The following TSHZ3 variants were observed in gnomAD, a reference collection of about 807,000 sequenced individuals.
TSHZ3 encodes the protein teashirt zinc finger homeobox 3, also known as teashirt homolog 3.
A neutral mutation model predicts 64.5 loss-of-function variants in TSHZ3; 10 were observed. The observed-to-expected ratio is 0.16, with a 90% CI of 0.10 to 0.26. The LOEUF (loss-of-function observed/expected upper bound fraction) is 0.26, where lower values mean the gene tolerates loss of function less well. Among genes scored for constraint, TSHZ3 ranks in the 10% least tolerant of loss-of-function variants. The pLI, the probability that TSHZ3 is intolerant of heterozygous loss-of-function variation, is 1.00. For missense variants in TSHZ3, 1,242 were observed against 1,421.7 expected (o/e 0.87, Z 2.03); for synonymous variants, 608 against 593.1 (o/e 1.03, Z -0.36).
Position 31,210,586 on chromosome 19 carries a change from CAG to C in TSHZ3, n.687-5510_687-5509del, listed in dbSNP as rs928307098. Among the ~76,000 whole-genome samples, 9 of 152,202 alleles carry C rather than the reference CAG, an allele frequency of 5.9e-5. No homozygotes were observed. In the East Asian group the frequency reaches 1.2e-3, roughly 20 times the overall value. On this transcript the variant is annotated intron_variant and non_coding_transcript_variant, in intron 4 of 6. Transcript: ENST00000651361. ...TAGGGGTTAACACTTCAAGAAGAAA[CAG>C]GGGAGATTTTGCTGGTGTACACTAT...
intron 1 of TSHZ3, among the ~76,000 whole-genome samples, chr19:31,266,710 G>T (rs7247234): frequency 0.34 from 52,065 of 152,088 alleles, 13,343 homozygotes; most frequent in African/African-American, 0.71. Context: ...TGAGACACAC[G>T]GGAATAGAAT....
chr19:31,225,096 T>A (rs186583927), intron 4 of TSHZ3, among the ~76,000 whole-genome samples: 42 of 152,280 alleles, frequency 2.8e-4, no homozygotes, highest in Non-Finnish European at 5.4e-4. Flanking sequence ...TTCAGCAACC[T>A]CCTAAATCAG....
intron 5 of TSHZ3, among the ~76,000 whole-genome samples, chr19:31,189,732 ATG>A (rs534186668): frequency 1.8e-4 from 27 of 152,246 alleles, no homozygotes; most frequent in South Asian, 4.1e-4. Flanking sequence ...CATTCTGTAA[ATG>A]TCAACTAGGC....
At chr19:31,325,884 A>G (rs1401798313) in intron 1 of TSHZ3, among the ~76,000 whole-genome samples, 1 of 152,246 alleles carries the variant, frequency 6.6e-6, no homozygotes, top group Non-Finnish European at 1.5e-5. Context: ...ATAGCAGCTG[A>G]AACCTAACAT....
chr19:31,166,939 G>A (rs1301551631), intron 5 of TSHZ3, among the ~76,000 whole-genome samples: 1 of 152,200 alleles, frequency 6.6e-6, no homozygotes, highest in Non-Finnish European at 1.5e-5. Context: ...TGGGGCCAGA[G>A]ATGAGTCTGT....
chr19:31,181,388 T>C (rs1974711545), intron 5 of TSHZ3, among the ~76,000 whole-genome samples: 1 of 152,150 alleles, frequency 6.6e-6, no homozygotes, highest in African/African-American at 2.4e-5. Context: ...GGGGTCATGT[T>C]ATCTGTTTTG....
intron 4 of TSHZ3, among the ~76,000 whole-genome samples, chr19:31,215,680 G>A (rs769451235): frequency 4.6e-5 from 7 of 152,180 alleles, no homozygotes; most frequent in Non-Finnish European, 1.0e-4. Flanking sequence ...AGACCAGCCT[G>A]ACCAACATGG....
chr19:31,293,020 T>A (rs941462451), intron 1 of TSHZ3, among the ~76,000 whole-genome samples: 3 of 145,948 alleles, frequency 2.1e-5, no homozygotes, highest in African/African-American at 7.4e-5. Context: ...AATGTATCCA[T>A]CCATCCAAAA....
At chr19:31,185,141 G>A (rs911465922) in intron 5 of TSHZ3, among the ~76,000 whole-genome samples, 2 of 150,814 alleles carry the variant, frequency 1.3e-5, no homozygotes, top group African/African-American at 4.9e-5. Flanking sequence ...AATGCAGAGC[G>A]AGGAAAGCTC....
chr19:31,286,808 G>T (rs920261258), intron 1 of TSHZ3, among the ~76,000 whole-genome samples: 2 of 152,176 alleles, frequency 1.3e-5, no homozygotes, highest in African/African-American at 4.8e-5. Context: ...CCCACCCTCA[G>T]CTCACCAGTG....
At chr19:31,308,744 A>AGACCCCTGCTGAAATCCTG in intron 1 of TSHZ3, 1 of 398,664 alleles carries the variant, frequency 2.5e-6, no homozygotes, top group Non-Finnish European at 4.4e-6. Flanking sequence ...ACACCGTCTA[A>AGACCCCTGCTGAAATCCTG]GACCCCTGCT....
At chr19:31,255,596 A>ACTACAGCTG (rs1460873508) in intron 1 of TSHZ3, among the ~76,000 whole-genome samples, 4 of 152,232 alleles carry the variant, frequency 2.6e-5, no homozygotes, top group Middle Eastern at 3.4e-3. Flanking sequence ...GACACCTGTC[A>ACTACAGCTG]CTACAGCTGC....
At chr19:31,306,574 CGT>C (rs1255859495) in intron 1 of TSHZ3, among the ~76,000 whole-genome samples, 1 of 152,054 alleles carries the variant, frequency 6.6e-6, no homozygotes, top group Non-Finnish European at 1.5e-5. Flanking sequence ...CGTATGTATG[CGT>C]GTGTGTGTAT....
At chr19:31,286,637 T>G (rs1220545006) in intron 1 of TSHZ3, among the ~76,000 whole-genome samples, 1 of 152,234 alleles carries the variant, frequency 6.6e-6, no homozygotes, top group Non-Finnish European at 1.5e-5. Context: ...GGCATTTGCC[T>G]GAACTCCTAA....
chr19:31,221,728 A>G (rs1975396849), intron 4 of TSHZ3, among the ~76,000 whole-genome samples: 1 of 152,148 alleles, frequency 6.6e-6, no homozygotes, highest in South Asian at 2.1e-4. Context: ...TTCAGTGTCC[A>G]TGAGTTTATT....
chr19:31,318,810 G>T (rs181393424), intron 1 of TSHZ3, among the ~76,000 whole-genome samples: 31 of 152,292 alleles, frequency 2.0e-4, no homozygotes, highest in African/African-American at 7.2e-4. Context: ...TTCAATAAAA[G>T]TATCTTAACT....
intron 4 of TSHZ3, among the ~76,000 whole-genome samples, chr19:31,210,147 G>A (rs1247997353): frequency 6.6e-6 from 1 of 152,118 alleles, no homozygotes; most frequent in African/African-American, 2.4e-5. Context: ...TCCAAGCCAG[G>A]CAAATGAGTG....
chr19:31,200,551 A>C (rs1229706767), intron 5 of TSHZ3, among the ~76,000 whole-genome samples: 1 of 152,238 alleles, frequency 6.6e-6, no homozygotes, highest in East Asian at 1.9e-4. Context: ...TAAAAAGATC[A>C]GTAGTGTCCA....
chr19:31,223,473 G>C (rs1476145608), intron 4 of TSHZ3, among the ~76,000 whole-genome samples: 1 of 151,148 alleles, frequency 6.6e-6, no homozygotes, highest in African/African-American at 2.4e-5. Context: ...AAAAAAGTAG[G>C]TATATATTTA....
Sources: allele counts gnomAD v4.1 joint callset (sites outside exome capture counted in the v4.1 genomes callset), GRCh38; gene constraint gnomAD v4.1.1; transcripts MANE v1.5; gene names NCBI Gene and HGNC (gene_info 2026-07-23, HGNC 2026-07-21).